Variants in PCLO observed in about 807,000 individuals in gnomAD.
The protein encoded by PCLO is protein piccolo.
PCLO carries 82 observed loss-of-function variants against 427.5 expected under a neutral mutation model. The ratio of observed to expected loss-of-function variants is 0.19; its 90% CI spans 0.16 to 0.23. The LOEUF is 0.23. Ranked by LOEUF, PCLO falls within the 10% of genes least tolerant of loss-of-function variation. PCLO has a pLI of 1.00. For missense variants in PCLO, 6,239 were observed against 6,115.9 expected, an observed-to-expected ratio of 1.02 and a Z score of -0.67; for synonymous variants, 2,357 against 2,155.4, an observed-to-expected ratio of 1.09 and a Z score of -2.59.
intron 13 of PCLO, among the ~76,000 whole-genome samples, chr7:82,844,175 G>A (rs959999586): frequency 7.2e-5 from 11 of 152,050 alleles, no homozygotes; most frequent in African/African-American, 2.7e-4. Context: ...TATTAATTAT[G>A]TTGGTATTTT....
intron 4 of PCLO, among the ~76,000 whole-genome samples, chr7:82,964,367 G>C (rs549138072): frequency 3.0e-4 from 46 of 152,090 alleles, no homozygotes; most frequent in African/African-American, 1.1e-3. Flanking sequence ...GACATATTGA[G>C]TTTGCATTTA....
At chr7:82,863,085 T>C (rs1052336728) in intron 10 of PCLO, among the ~76,000 whole-genome samples, 2 of 152,014 alleles carry the variant, frequency 1.3e-5, no homozygotes, top group Admixed American at 1.3e-4. Flanking sequence ...TATCTTTGCA[T>C]GCCTGTATGA....
At chr7:82,822,323 T>C (rs1791813265) in intron 20 of PCLO, 172 bp downstream of exon 20, 1 of 1,444,534 alleles carries the variant, frequency 6.9e-7, no homozygotes, top group African/African-American at 1.4e-5. Flanking sequence ...AAAATCTAAA[T>C]AAGAAAGAGC....
At chr7:82,927,337 T>A (rs532319150) in intron 6 of PCLO, among the ~76,000 whole-genome samples, 4 of 152,294 alleles carry the variant, frequency 2.6e-5, no homozygotes, top group East Asian at 1.9e-4. Flanking sequence ...ACTATTTTTT[T>A]AAATCAATTT....
chr7:82,869,718 CAGTGTGAGTAATA>C (rs1285896116), intron 10 of PCLO, among the ~76,000 whole-genome samples: 3 of 151,886 alleles, frequency 2.0e-5, no homozygotes, highest in Non-Finnish European at 4.4e-5. Flanking sequence ...ACTAGCAGAT[CAGTGTGAGTAATA>C]ATACACTATT....
rs553157948 is a variant in PCLO, at chr7:83,024,797, T to C, written c.3301-58310A>G. Reference sequence around the variant, plus strand: ...CTGCCTCCTCAAGTGGGTCCCTGACTCCTGACCCCCGAGCAGCCTAACTGG... The same window carrying C: ...CTGCCTCCTCAAGTGGGTCCCTGACCCCTGACCCCCGAGCAGCCTAACTGG... On this transcript the variant is annotated intron_variant, in intron 3 of 24. Coordinates refer to ENST00000333891, the MANE Select transcript of PCLO (RefSeq NM_033026.6). 1.1e-3 allele frequency among the ~76,000 whole-genome samples: 161 copies of C among 152,102 alleles called. 1 individual carries two copies. Among genetic ancestry groups the C allele is most frequent in the Non-Finnish European group, 1.7e-3 (113 of 67,954 alleles).
intron 3 of PCLO, among the ~76,000 whole-genome samples, chr7:83,001,336 G>A (rs1787817992): frequency 6.6e-6 from 1 of 151,980 alleles, no homozygotes; most frequent in Admixed American, 6.6e-5. Flanking sequence ...ATTATCTGAA[G>A]GATACTGAAT....
intron 14 of PCLO, 48 bp from the exon 15 acceptor site, chr7:82,838,390 AC>A: frequency 9.1e-7 from 1 of 1,096,528 alleles, no homozygotes; most frequent in Non-Finnish European, 1.3e-6. Context: ...AGCATGTTAT[AC>A]ATTATCATTC....
At chr7:83,099,994 TTAAA>T (rs1790696895) in intron 3 of PCLO, among the ~76,000 whole-genome samples, 2 of 152,176 alleles carry the variant, frequency 1.3e-5, no homozygotes, top group Non-Finnish European at 2.9e-5. Flanking sequence ...ACTTATTATA[TTAAA>T]TAATGTTTGC....
At chr7:82,826,740 TA>T in intron 17 of PCLO, 80 bp from the exon 18 acceptor site, 1 of 817,330 alleles carries the variant, frequency 1.2e-6, no homozygotes, top group Non-Finnish European at 1.9e-6. Context: ...TAGACATATT[TA>T]TTTTTTTCCT....
chr7:83,147,697 T>C (rs759287222), intron 2 of PCLO, among the ~76,000 whole-genome samples: 3 of 152,176 alleles, frequency 2.0e-5, no homozygotes, highest in Non-Finnish European at 4.4e-5. Flanking sequence ...AATATACTTG[T>C]TTAAGCATTT....
At position 82,952,064 on chromosome 7, in the gene PCLO, A is replaced by G; in HGVS notation, c.8889T>C (p.Pro2963=). 6.2e-7 allele frequency: 1 copy of G among 1,613,982 alleles called. No individual in the cohort carries two copies. Among genetic ancestry groups the G allele is most frequent in the Admixed American group, 1.7e-5 (1 of 60,018 alleles). ...CTAQQPATTL[P]EDRFGYRDDH... is the part of the protein sequence containing the mutation. Reference sequence around the variant, plus strand: ...CATCCCTATAACCAAAACGATCCTCAGGAAGAGTAGTTGCAGGCTGCTGTG... The same window carrying G: ...CATCCCTATAACCAAAACGATCCTCGGGAAGAGTAGTTGCAGGCTGCTGTG... The change falls in exon 5 of 25, where the codon CCT becomes CCC. Residue 2963 remains proline, a synonymous_variant. Transcript: ENST00000333891.
At chr7:83,061,793 T>C (rs964203281) in intron 3 of PCLO, among the ~76,000 whole-genome samples, 2 of 152,184 alleles carry the variant, frequency 1.3e-5, no homozygotes, top group Non-Finnish European at 2.9e-5. Flanking sequence ...CTAAGTATAG[T>C]TCTGAATCAA....
intron 6 of PCLO, among the ~76,000 whole-genome samples, chr7:82,925,084 T>C (rs1028835939): frequency 6.6e-6 from 1 of 152,152 alleles, no homozygotes; most frequent in Admixed American, 6.6e-5. Flanking sequence ...ATAAGCCTTT[T>C]CTTTGCCTTG....
chr7:83,042,023 G>GT lies in PCLO; in HGVS notation c.3301-75537_3301-75536insA, dbSNP rs199716071. On this transcript the variant is annotated intron_variant, in intron 3 of 24. Transcript: ENST00000333891. The stretch of plus-strand genomic sequence containing the variant: ...TCAAGCCAAATTCATTTTGAAGCAT[G>GT]AACATTGTTATATTCTGTGGTGCTA... 8.3e-3 allele frequency among the ~76,000 whole-genome samples: 1,263 copies of GT among 152,250 alleles called. 13 individuals carry two copies. Among genetic ancestry groups the GT allele is most frequent in the African/African-American group, 0.029 (1,196 of 41,560 alleles).
At chr7:83,130,026 T>C (rs115086489) in intron 3 of PCLO, among the ~76,000 whole-genome samples, 4,368 of 152,264 alleles carry the variant, frequency 0.029, 205 homozygotes, top group African/African-American at 0.097. Context: ...TTTTTTTTAA[T>C]GTCCAGCTTA....
At chr7:82,866,756 G>A (rs62461396) in intron 10 of PCLO, among the ~76,000 whole-genome samples, 38,894 of 151,210 alleles carry the variant, frequency 0.26, 5,332 homozygotes, top group Middle Eastern at 0.3. Context: ...GTAGGCTATT[G>A]TTTCCACTTC....
intron 10 of PCLO, chr7:82,868,265 T>C: frequency 2.2e-6 from 1 of 456,040 alleles, no homozygotes; most frequent in Non-Finnish European, 4.4e-6. Context: ...CTTCCTTATG[T>C]TATGCTGGAG....
Position 82,952,214 on chromosome 7 carries a change from A to G in PCLO, c.8739T>C (p.Asp2913=). The part of the protein sequence containing the change: ...TKSHRTVVTM[D]ESTSSVMTKI... The stretch of plus-strand genomic sequence containing the variant: ...TGGTCATCACACTTGAAGTAGACTC[A>G]TCCATTGTTACGACTGTTCTGTGAG... Residue 2913 remains aspartate, a synonymous_variant, in exon 5 of 25, where the codon GAT becomes GAC. Transcript: ENST00000333891. 6.2e-7 allele frequency: 1 copy of G among 1,613,810 alleles called. No homozygotes were observed. The highest frequency in any genetic ancestry group is 8.5e-7 in the Non-Finnish European group (1 of 1,179,850).
Sources: gnomAD v4.1 joint callset for allele counts (sites outside exome capture counted in the v4.1 genomes callset) on GRCh38, gnomAD v4.1.1 for gene constraint, MANE v1.5 for transcripts, NCBI Gene and HGNC (gene_info 2026-07-23, HGNC 2026-07-21) for gene names.